Variants in KRT75 observed in about 807,000 individuals in gnomAD.
KRT75 encodes keratin 75.
Under a neutral mutation model 48.8 loss-of-function variants are expected in KRT75, and 35 were observed. The observed-to-expected ratio is 0.72, with a 90% CI of 0.55 to 0.95. The LOEUF (loss-of-function observed/expected upper bound fraction) is 0.95, where lower values mean the gene tolerates loss of function less well. Among genes scored for constraint, KRT75 ranks in the 40% least tolerant of loss-of-function variants. The pLI, the probability that KRT75 is intolerant of heterozygous loss-of-function variation, is 0.00. For synonymous variants in KRT75, 301 were observed against 282.3 expected, an observed-to-expected ratio of 1.07 and a Z score of -0.66; for missense variants, 776 against 709.9, an observed-to-expected ratio of 1.09 and a Z score of -1.06.
At chr12:52,433,290 G>A in intron 1 of KRT75, 38 bp from the exon 2 acceptor site, 1 of 1,559,726 alleles carries the variant, frequency 6.4e-7, no homozygotes, top group Non-Finnish European at 8.8e-7. Context: ...TTGAGAAGTT[G>A]GAGAGGCAGA....
chr12:52,432,378 G>A (rs1940156201), intron 2 of KRT75, among the ~76,000 whole-genome samples: 2 of 152,190 alleles, frequency 1.3e-5, no homozygotes, highest in South Asian at 4.1e-4. Context: ...TCCACCTCAA[G>A]TGTCTACCGA....
In KRT75 at chr12:52,428,073, G is replaced by A. The variant is rs1218751507; in HGVS notation, c.1382+183C>T. The stretch of plus-strand genomic sequence containing the variant: ...TTCTATGGGGATGCTAACTGTAGTT[G>A]CACCTCAAATGATTTACTAGCCTGG... On this transcript the variant is annotated intron_variant, in intron 7 of 8. Coordinates refer to ENST00000252245, the MANE Select transcript of KRT75 (RefSeq NM_004693.3). 2.9e-5 allele frequency: 22 copies of A among 747,050 alleles called. 1 individual carries two copies. Among genetic ancestry groups the A allele is most frequent in the Non-Finnish European group, 3.8e-5 (17 of 452,970 alleles). 46.3% of individuals were successfully genotyped at this position (747,050 alleles called of 1,614,324 possible).
intron 5 of KRT75, 30 bp downstream of exon 5, chr12:52,430,511 G>A: frequency 6.2e-7 from 1 of 1,610,350 alleles, no homozygotes; most frequent in Non-Finnish European, 8.5e-7. Context: ...CACTAACCCT[G>A]GAACCTCTCA....
rs1222356577 is a variant in KRT75 at position 52,424,687 on chromosome 12, G to C, written c.1486C>G (p.Leu496Val). ...GSSIGGGNLG[L>V]GGGSGYSFTT... ...AAGGAGTAGCCGCTGCCCCCACCGA[G>C]GCCCAGGTTTCCACCTCCAATGCTG... The change falls in exon 9 of 9, where the codon CTC becomes GTC. Residue 496 changes from leucine (L) to valine (V), a missense_variant. Leu to Val is a conservative substitution (Grantham distance 32, BLOSUM62 1). Coordinates refer to ENST00000252245, the MANE Select transcript of KRT75 (RefSeq NM_004693.3). 1 of 1,614,164 alleles carries C rather than the reference G, an allele frequency of 6.2e-7. No homozygotes were observed. The highest frequency in any genetic ancestry group is 1.7e-5 in the Admixed American group (1 of 60,032).
intron 8 of KRT75, among the ~76,000 whole-genome samples, chr12:52,426,016 A>T (rs1315374495): frequency 3.9e-5 from 6 of 152,194 alleles, no homozygotes; most frequent in Non-Finnish European, 7.3e-5. Context: ...GGGAGGAAGG[A>T]CACCTGGGTG....
At position 52,424,214 on chromosome 12, in the gene KRT75, G is replaced by T; in HGVS notation, c.*303C>A. 4.3e-6 allele frequency: 2 copies of T among 467,440 alleles called. No individual in the cohort carries two copies. The highest frequency in any genetic ancestry group is 7.9e-6 in the Non-Finnish European group (2 of 252,224). The allele number at this position is 467,440 out of a possible 1,614,324, so 29.0% of individuals were successfully genotyped here. On this transcript the variant is annotated 3_prime_UTR_variant, in exon 9 of 9. Transcript: ENST00000252245. ...TCCCCAGCCTCTGCATCTGGAGGGAGGGAGGGAGGTGGAGCTGGAGGAGGA... is the reference window on the plus strand; with the variant it reads ...TCCCCAGCCTCTGCATCTGGAGGGATGGAGGGAGGTGGAGCTGGAGGAGGA...
At chr12:52,432,989 A>G in intron 2 of KRT75, 49 bp downstream of exon 2, 1 of 1,583,224 alleles carries the variant, frequency 6.3e-7, no homozygotes, top group Non-Finnish European at 8.7e-7. Flanking sequence ...CCTCACACAA[A>G]GGAGCCTTCA....
At chr12:52,433,360 A>G (rs759613598) in intron 1 of KRT75, 108 bp from the exon 2 acceptor site, 1 of 993,790 alleles carries the variant, frequency 1.0e-6, no homozygotes. Context: ...CTTGGCACCC[A>G]TTGACAATAA....
At chr12:52,429,662 A>T (rs1441193171) in intron 5 of KRT75, among the ~76,000 whole-genome samples, 3 of 152,208 alleles carry the variant, frequency 2.0e-5, no homozygotes, top group African/African-American at 7.2e-5. Flanking sequence ...GGTTAAGTGC[A>T]TCATGTTTCC....
At position 52,428,283 on chromosome 12, in the gene KRT75, C is replaced by A. The variant is rs141902697; in HGVS notation, c.1355G>T (p.Arg452Leu). Reference sequence around the variant, plus strand: ...GCACTCCTCGCCTTCCAGCAGCTTGCGGTAGGTGGCGATCTCCACGTCCAG... The same window carrying A: ...GCACTCCTCGCCTTCCAGCAGCTTGAGGTAGGTGGCGATCTCCACGTCCAG... ...LALDVEIATY[R>L]KLLEGEECRL... Residue 452 changes from arginine to leucine, a missense_variant, in exon 7 of 9, where the codon CGC becomes CTC. Transcript: ENST00000252245. 6.2e-7 allele frequency: 1 copy of A among 1,613,874 alleles called. No homozygotes were observed. Among genetic ancestry groups the A allele is most frequent in the African/African-American group, 1.3e-5 (1 of 74,882 alleles).
Position 52,428,293 on chromosome 12 carries a change from C to A in KRT75, c.1345G>T (p.Ala449Ser). ...NIKLALDVEIATYRKLLEGEE... is the reference protein window; with the variant it reads ...NIKLALDVEISTYRKLLEGEE... Reference sequence around the variant, plus strand: ...CCTTCCAGCAGCTTGCGGTAGGTGGCGATCTCCACGTCCAGGGCCAGCTTG... The same window carrying A: ...CCTTCCAGCAGCTTGCGGTAGGTGGAGATCTCCACGTCCAGGGCCAGCTTG... Residue 449 changes from alanine to serine, a missense_variant, in exon 7 of 9, where the codon GCC becomes TCC. Transcript: ENST00000252245. 1 of 1,613,946 alleles carries A rather than the reference C, an allele frequency of 6.2e-7. No individual in the cohort carries two copies.
intron 7 of KRT75, 31 bp from the exon 8 acceptor site, chr12:52,426,882 T>G (rs368529162): frequency 5.0e-6 from 8 of 1,611,540 alleles, no homozygotes; most frequent in Non-Finnish European, 5.9e-6. Context: ...GAAGGAAGGT[T>G]ACCAATGTGG....
At position 52,426,845 on chromosome 12, in the gene KRT75, A is replaced by G; in HGVS notation, c.1389T>C (p.Ser463=). The part of the protein sequence containing the change: ...KLLEGEECRL[S]GEGVSPVNIS... ...TGTTAACTGGAGAAACTCCCTCTCC[A>G]CTCAACCTGATTGGGAAGAGCAGGG... The change falls in exon 8 of 9, where the codon AGT becomes AGC. Residue 463 remains serine (S), a synonymous_variant. Transcript: ENST00000252245. The G allele has an allele frequency of 1.9e-6, 3 of 1,614,082 alleles. No individual in the cohort carries two copies. The highest frequency in any genetic ancestry group is 1.3e-5 in the African/African-American group (1 of 75,028).
rs975326876 is a variant in KRT75, at chr12:52,424,336, C to T, written c.*181G>A. On this transcript the variant is annotated 3_prime_UTR_variant, in exon 9 of 9. Transcript: ENST00000252245. ...ATGTGTAACAGACGGGTGCTGCTGG[C>T]AGTCTGGGCACTGTCAGGAGGGAGA... The T allele has an allele frequency of 5.6e-6, 4 of 718,530 alleles. No individual in the cohort carries two copies. The African/African-American group carries it at 6.9e-5, about 12-fold the overall frequency. The allele number at this position is 718,530 out of a possible 1,614,324, so 44.5% of individuals were successfully genotyped here.
intron 1 of KRT75, 138 bp downstream of exon 1, chr12:52,433,669 C>T: frequency 7.2e-7 from 1 of 1,381,068 alleles, no homozygotes; most frequent in Non-Finnish European, 1.0e-6. Flanking sequence ...GGAAGGGTCT[C>T]AGCCCCTGGG....
At position 52,424,422 on chromosome 12, in the gene KRT75, C is replaced by A; in HGVS notation, c.*95G>T. The A allele has an allele frequency of 8.7e-7, 1 of 1,150,388 alleles. No homozygotes were observed. The highest frequency in any genetic ancestry group is 1.2e-5 in the South Asian group (1 of 81,522). 71.3% of individuals were successfully genotyped at this position (1,150,388 alleles called of 1,614,324 possible). ...CTCCAGGCTCCCAGCAGCACAGGTG[C>A]ACCTTACAAGGAGAGAGGAAGGAGG... is the stretch of plus-strand genomic sequence containing the variant. On this transcript the variant is annotated 3_prime_UTR_variant, in exon 9 of 9. Coordinates refer to ENST00000252245, the MANE Select transcript of KRT75 (RefSeq NM_004693.3).
chr12:52,430,187 G>A (rs986531821), intron 5 of KRT75, among the ~76,000 whole-genome samples: 3 of 152,130 alleles, frequency 2.0e-5, no homozygotes, highest in Admixed American at 1.3e-4. Context: ...CTGTAACCCT[G>A]ATTGGCATAC....
intron 5 of KRT75, 124 bp downstream of exon 5, chr12:52,430,417 G>A (rs1940128186): frequency 9.7e-7 from 1 of 1,031,628 alleles, no homozygotes; most frequent in Admixed American, 1.7e-5. Flanking sequence ...TAGCATCAAA[G>A]ACATGCCTGC....
Position 52,428,733 on chromosome 12 carries a change from A to C in KRT75, c.1046T>G (p.Leu349Arg). ...CCCATGTCTGCCTGCGGTGACCTGC[A>C]GCTCCTCGTACTGAGAGAACCAGAG... ...ESWYQTKYEE[L>R]QVTAGRHGDD... Residue 349 changes from leucine (L) to arginine (R), a missense_variant, in exon 6 of 9, where the codon CTG (leucine) becomes CGG (arginine). Leu to Arg is a moderately radical substitution (Grantham distance 102). Transcript: ENST00000252245. 1 of 1,614,102 alleles carries C rather than the reference A, an allele frequency of 6.2e-7. No individual in the cohort carries two copies. Among genetic ancestry groups the C allele is most frequent in the Non-Finnish European group, 8.5e-7 (1 of 1,180,038 alleles).
Sources: allele counts gnomAD v4.1 joint callset (sites outside exome capture counted in the v4.1 genomes callset), GRCh38; gene constraint gnomAD v4.1.1; transcripts MANE v1.5; gene names NCBI Gene and HGNC (gene_info 2026-07-23, HGNC 2026-07-21).